Variants in KIF4B observed in about 807,000 individuals in gnomAD.
KIF4B encodes chromosome-associated kinesin KIF4B.
A neutral mutation model predicts 69.0 loss-of-function variants in KIF4B; 60 were observed. The ratio of observed to expected loss-of-function variants is 0.87; its 90% CI spans 0.71 to 1.08. The LOEUF is 1.08. Among genes scored for constraint, KIF4B ranks in the 50% least tolerant of loss-of-function variants. The probability of loss-of-function intolerance (pLI) is 0.00; values close to 1 mark genes in which losing one functional copy is unlikely to be tolerated. For synonymous variants in KIF4B, 489 were observed against 533.0 expected (o/e 0.92, Z 1.14); for missense variants, 1,357 against 1,451.9 (o/e 0.93, Z 1.06).
In KIF4B at chr5:155,015,592, T is replaced by C; in HGVS notation, c.1733T>C (p.Leu578Ser). The C allele has an allele frequency of 6.2e-7, 1 of 1,614,188 alleles. No homozygotes were observed. The highest frequency in any genetic ancestry group is 8.5e-7 in the Non-Finnish European group (1 of 1,180,042). ...VINLQKEKEE[L>S]VRELQTAKKN... The stretch of plus-strand genomic sequence containing the variant: ...AATCTGCAAAAGGAAAAGGAAGAAT[T>C]GGTTCGTGAACTTCAGACAGCAAAG... The change falls in exon 1 of 1, where the codon TTG (leucine) becomes TCG (serine). Residue 578 changes from leucine (L) to serine (S), a missense_variant. Coordinates refer to ENST00000435029, the MANE Select transcript of KIF4B (RefSeq NM_001099293.3).
chr5:155,016,646 G>C lies in KIF4B; in HGVS notation c.2787G>C (p.Glu929Asp). Residue 929 changes from glutamate to aspartate, a missense_variant, in exon 1 of 1, where the codon GAG (glutamate) becomes GAC (aspartate). Physicochemically the swap from Glu to Asp is conservative, Grantham distance 45 (BLOSUM62 2). Coordinates refer to ENST00000435029, the MANE Select transcript of KIF4B (RefSeq NM_001099293.3). ...TCAGAATGGAGCAACAGCACCAAGAGAAGGTGCTATACCTTGTCAGCCAGC... is the reference window on the plus strand; with the variant it reads ...TCAGAATGGAGCAACAGCACCAAGACAAGGTGCTATACCTTGTCAGCCAGC... ...ELVRMEQQHQEKVLYLVSQLQ... is the reference protein window; with the variant it reads ...ELVRMEQQHQDKVLYLVSQLQ... 6.2e-7 allele frequency: 1 copy of C among 1,614,214 alleles called. No individual in the cohort carries two copies. Among genetic ancestry groups the C allele is most frequent in the Non-Finnish European group, 8.5e-7 (1 of 1,180,028 alleles).
Position 155,017,812 on chromosome 5 carries a change from C to T in KIF4B, c.*248C>T. On this transcript the variant is annotated 3_prime_UTR_variant, in exon 1 of 1. Transcript: ENST00000435029. ...GCTGAAGAGAGAACCAACAGACTTT[C>T]CTAATGACTCATCAGGAACCAGTCC... 1.7e-6 allele frequency: 1 copy of T among 586,386 alleles called. No homozygotes were observed. Among genetic ancestry groups the T allele is most frequent in the Non-Finnish European group, 2.9e-6 (1 of 341,938 alleles). The allele number at this position is 586,386 out of a possible 1,614,324, so 36.3% of individuals were successfully genotyped here. A position where few individuals can be genotyped will look rare whatever the true frequency, so the allele number is the denominator to read the frequency against.
At position 155,014,538 on chromosome 5, in the gene KIF4B, G is replaced by A. The variant is rs1344656041; in HGVS notation, c.679G>A (p.Asp227Asn). The change falls in exon 1 of 1, where the codon GAC becomes AAC. Residue 227 changes from aspartate to asparagine, a missense_variant. Asp to Asn is a conservative substitution (Grantham distance 23). Transcript: ENST00000435029. Reference protein sequence around the residue: ...TISIEQRKKSDKNCSFRSKLH... With the variant: ...TISIEQRKKSNKNCSFRSKLH... The stretch of plus-strand genomic sequence containing the variant: ...CTCCATAGAGCAAAGAAAGAAAAGT[G>A]ACAAGAATTGCAGCTTTCGCTCCAA... 1.2e-6 allele frequency: 2 copies of A among 1,614,092 alleles called. No homozygotes were observed. Among genetic ancestry groups the A allele is most frequent in the Non-Finnish European group, 1.7e-6 (2 of 1,179,964 alleles).
chr5:155,015,629 C>T lies in KIF4B; in HGVS notation c.1770C>T (p.Asn590=). 6.2e-7 allele frequency: 1 copy of T among 1,614,154 alleles called. No individual in the cohort carries two copies. The highest frequency in any genetic ancestry group is 8.5e-7 in the Non-Finnish European group (1 of 1,180,022). The change falls in exon 1 of 1, where the codon AAC becomes AAT. Residue 590 remains asparagine (N), a synonymous_variant. Transcript: ENST00000435029. ...TTCAGACAGCAAAGAAGAATGTCAA[C>T]CAAGCCAAGCTGAGTGAGCACCGCC... ...RELQTAKKNV[N]QAKLSEHRHK...
At position 155,016,592 on chromosome 5, in the gene KIF4B, GAT is replaced by G. The variant is rs1765336717; in HGVS notation, c.2735_2736del (p.Ile912ArgfsTer7). 1 of 1,614,214 alleles carries G rather than the reference GAT, an allele frequency of 6.2e-7. No homozygotes were observed. Among genetic ancestry groups the G allele is most frequent in the African/African-American group, 1.3e-5 (1 of 75,056 alleles). ...LFEEQNHFSE[I>X]ETELQAELVR... ...TTGAGGAACAAAATCATTTTTCTGA[GAT>G]AGAGACAGAGTTACAAGCTGAGCTG... On this transcript the variant is annotated frameshift_variant, in exon 1 of 1. Transcript: ENST00000435029. LOFTEE classifies it low-confidence loss of function (END_TRUNC).
Position 155,015,851 on chromosome 5 carries a change from G to C in KIF4B, c.1992G>C (p.Trp664Cys), listed in dbSNP as rs1370612852. 16 of 1,614,192 alleles carry C rather than the reference G, an allele frequency of 9.9e-6. No homozygotes were observed. Among genetic ancestry groups the C allele is most frequent in the Non-Finnish European group, 1.4e-5 (16 of 1,180,034 alleles). ...AGGATGCTGAGAAGTTTAGACAATG[G>C]AAGCAGAAAAAAGACAAAGAAGTAA... ...MKEDAEKFRQ[W>C]KQKKDKEVIQ... Residue 664 changes from tryptophan (W) to cysteine (C), a missense_variant, in exon 1 of 1, where the codon TGG becomes TGC. Physicochemically the swap from Trp to Cys is radical, Grantham distance 215. Coordinates refer to ENST00000435029, the MANE Select transcript of KIF4B (RefSeq NM_001099293.3).
At position 155,016,081 on chromosome 5, in the gene KIF4B, C is replaced by T. The variant is rs1410588605; in HGVS notation, c.2222C>T (p.Ala741Val). Residue 741 changes from alanine to valine, a missense_variant, in exon 1 of 1, where the codon GCT becomes GTT. Transcript: ENST00000435029. Reference sequence around the variant, plus strand: ...AGCCATGGAAAGGAAGGTATTGCAGCTCGAGTGAGGAATTGGCTTGGAAAT... The same window carrying T: ...AGCCATGGAAAGGAAGGTATTGCAGTTCGAGTGAGGAATTGGCTTGGAAAT... ...TQSHGKEGIAARVRNWLGNEI... is the reference protein window; with the variant it reads ...TQSHGKEGIAVRVRNWLGNEI... 6.2e-7 allele frequency: 1 copy of T among 1,614,128 alleles called. No individual in the cohort carries two copies. The highest frequency in any genetic ancestry group is 1.7e-5 in the Admixed American group (1 of 60,014).
Position 155,015,650 on chromosome 5 carries a change from C to T in KIF4B, c.1791C>T (p.His597=). ...TCAACCAAGCCAAGCTGAGTGAGCA[C>T]CGCCACAAACTTCTCCAGGAGCTGG... ...KNVNQAKLSE[H]RHKLLQELEG... The change falls in exon 1 of 1, where the codon CAC becomes CAT. Residue 597 remains histidine, a synonymous_variant. Transcript: ENST00000435029. 2.5e-6 allele frequency: 4 copies of T among 1,614,192 alleles called. No individual in the cohort carries two copies. Among genetic ancestry groups the T allele is most frequent in the Non-Finnish European group, 3.4e-6 (4 of 1,180,032 alleles).
In KIF4B at chr5:155,016,850, C is replaced by T. The variant is rs1765340302; in HGVS notation, c.2991C>T (p.Leu997=). ...TCATCAAGCAGAAACTGATCCTCCT[C>T]CAGGTAGCCAGCAGACAGAAACATC... ...NEIIKQKLIL[L]QVASRQKHLP... Residue 997 remains leucine, a synonymous_variant, in exon 1 of 1, where the codon CTC becomes CTT. Coordinates refer to ENST00000435029, the MANE Select transcript of KIF4B (RefSeq NM_001099293.3). 6.2e-7 allele frequency: 1 copy of T among 1,614,156 alleles called. No homozygotes were observed. The highest frequency in any genetic ancestry group is 1.3e-5 in the African/African-American group (1 of 75,036).
chr5:155,016,296 G>A lies in KIF4B; in HGVS notation c.2437G>A (p.Glu813Lys), dbSNP rs1451031659. The A allele has an allele frequency of 6.2e-7, 1 of 1,614,098 alleles. No individual in the cohort carries two copies. The highest frequency in any genetic ancestry group is 1.7e-5 in the Admixed American group (1 of 59,998). Residue 813 changes from glutamate to lysine, a missense_variant, in exon 1 of 1, where the codon GAA becomes AAA. Glu to Lys is a moderately conservative substitution (Grantham distance 56, BLOSUM62 1). Coordinates refer to ENST00000435029, the MANE Select transcript of KIF4B (RefSeq NM_001099293.3). ...SEVHGQVLES[E>K]DCITKQIESL... ...GGTGCATGGTCAAGTTTTGGAGTCA[G>A]AAGATTGTATTACAAAACAGATTGA...
rs372105918 is a variant in KIF4B, at chr5:155,016,847, C to T, written c.2988C>T (p.Leu996=). The change falls in exon 1 of 1, where the codon CTC becomes CTT. Residue 996 remains leucine, a synonymous_variant. Transcript: ENST00000435029. ...ENEIIKQKLI[L]LQVASRQKHL... is the part of the protein sequence containing the mutation. ...AAATCATCAAGCAGAAACTGATCCT[C>T]CTCCAGGTAGCCAGCAGACAGAAAC... 14 of 1,614,068 alleles carry T rather than the reference C, an allele frequency of 8.7e-6. No individual in the cohort carries two copies. The highest frequency in any genetic ancestry group is 1.2e-5 in the Non-Finnish European group (14 of 1,180,052).
In KIF4B at chr5:155,013,983, G is replaced by A; in HGVS notation, c.124G>A (p.Val42Met). 1.9e-6 allele frequency: 3 copies of A among 1,614,248 alleles called. No homozygotes were observed. Among genetic ancestry groups the A allele is most frequent in the Non-Finnish European group, 2.5e-6 (3 of 1,180,042 alleles). ...CTTCGTGCCCGGGGAGACTCAGGTGGTGGTTGGTACTGATAAATCCTTCAC... is the reference window on the plus strand; with the variant it reads ...CTTCGTGCCCGGGGAGACTCAGGTGATGGTTGGTACTGATAAATCCTTCAC... ...LSFVPGETQVVVGTDKSFTYD... is the reference protein window; with the variant it reads ...LSFVPGETQVMVGTDKSFTYD... The change falls in exon 1 of 1, where the codon GTG (valine) becomes ATG (methionine). Residue 42 changes from valine (V) to methionine (M), a missense_variant. Val to Met is a conservative substitution (Grantham distance 21). Coordinates refer to ENST00000435029, the MANE Select transcript of KIF4B (RefSeq NM_001099293.3).
Position 155,016,990 on chromosome 5 carries a change from T to C in KIF4B, c.3131T>C (p.Leu1044Pro). The part of the protein sequence containing the change: ...FLEQSMDIED[L>P]KYCSEHSVNE... ...GAGCAAAGCATGGACATCGAGGATC[T>C]AAAATATTGTTCAGAGCATTCTGTG... The change falls in exon 1 of 1, where the codon CTA becomes CCA. Residue 1044 changes from leucine (L) to proline (P), a missense_variant. Physicochemically the swap from Leu to Pro is moderately conservative, Grantham distance 98 (BLOSUM62 -3). Coordinates refer to ENST00000435029, the MANE Select transcript of KIF4B (RefSeq NM_001099293.3). 6.2e-6 allele frequency: 10 copies of C among 1,614,204 alleles called. No individual in the cohort carries two copies. The highest frequency in any genetic ancestry group is 8.5e-6 in the Non-Finnish European group (10 of 1,180,040).
Position 155,015,751 on chromosome 5 carries a change from G to C in KIF4B, c.1892G>C (p.Arg631Pro), listed in dbSNP as rs778653406. The change falls in exon 1 of 1, where the codon CGT becomes CCT. Residue 631 changes from arginine (R) to proline (P), a missense_variant. Transcript: ENST00000435029. Reference protein sequence around the residue: ...KLLKLKESTERTVSKLNQEIW... With the variant: ...KLLKLKESTEPTVSKLNQEIW... ...CTGAAACTAAAGGAATCCACAGAGC[G>C]TACTGTCTCCAAGCTGAACCAAGAG... 14 of 1,614,158 alleles carry C rather than the reference G, an allele frequency of 8.7e-6. No homozygotes were observed. Among genetic ancestry groups the C allele is most frequent in the South Asian group, 2.2e-5 (2 of 91,078 alleles).
chr5:155,014,420 T>C lies in KIF4B; in HGVS notation c.561T>C (p.Thr187=). The part of the protein sequence containing the change: ...TEKTVLVALD[T]VSCLEQGNNS... ...AGACTGTTTTAGTTGCCTTGGATACTGTTTCCTGTTTGGAGCAGGGCAACA... is the reference window on the plus strand; with the variant it reads ...AGACTGTTTTAGTTGCCTTGGATACCGTTTCCTGTTTGGAGCAGGGCAACA... Residue 187 remains threonine, a synonymous_variant, in exon 1 of 1, where the codon ACT becomes ACC. Coordinates refer to ENST00000435029, the MANE Select transcript of KIF4B (RefSeq NM_001099293.3). 1 of 1,614,246 alleles carries C rather than the reference T, an allele frequency of 6.2e-7. No individual in the cohort carries two copies. Among genetic ancestry groups the C allele is most frequent in the East Asian group, 2.2e-5 (1 of 44,888 alleles).
Position 155,014,994 on chromosome 5 carries a change from G to A in KIF4B, c.1135G>A (p.Ala379Thr), listed in dbSNP as rs754961359. 7 of 1,614,224 alleles carry A rather than the reference G, an allele frequency of 4.3e-6. No individual in the cohort carries two copies. In the South Asian group the frequency reaches 6.6e-5, roughly 15 times the overall value. The change falls in exon 1 of 1, where the codon GCA becomes ACA. Residue 379 changes from alanine to threonine, a missense_variant. Physicochemically the swap from Ala to Thr is moderately conservative, Grantham distance 58. Coordinates refer to ENST00000435029, the MANE Select transcript of KIF4B (RefSeq NM_001099293.3). ...AGGTACCCTGCCTGGATCTATAAAT[G>A]CAGAACCATCAGAGAATCTACAATC... ...HGGTLPGSIN[A>T]EPSENLQSLM...
chr5:155,014,835 A>T lies in KIF4B; in HGVS notation c.976A>T (p.Thr326Ser). The T allele has an allele frequency of 6.2e-7, 1 of 1,614,128 alleles. No homozygotes were observed. Among genetic ancestry groups the T allele is most frequent in the Non-Finnish European group, 8.5e-7 (1 of 1,180,012 alleles). Residue 326 changes from threonine (T) to serine (S), a missense_variant, in exon 1 of 1, where the codon ACC becomes TCC. Physicochemically the swap from Thr to Ser is moderately conservative, Grantham distance 58. Transcript: ENST00000435029. ...CTCCAATCTAGAGGAAACATTAAGT[A>T]CCCTTCGCTATGCTGACAGAGCAAG... ...ADSNLEETLS[T>S]LRYADRARKI...
In KIF4B at chr5:155,018,091, T is replaced by C. The variant is rs927488276; in HGVS notation, c.*527T>C. On this transcript the variant is annotated 3_prime_UTR_variant, in exon 1 of 1. Coordinates refer to ENST00000435029, the MANE Select transcript of KIF4B (RefSeq NM_001099293.3). Reference sequence around the variant, plus strand: ...CCATGTTGTTGAAGTAAATGAATTATTTTTAAATGTTAAGTAAATAAACCT... The same window carrying C: ...CCATGTTGTTGAAGTAAATGAATTACTTTTAAATGTTAAGTAAATAAACCT... 2 of 168,136 alleles carry C rather than the reference T, an allele frequency of 1.2e-5. No individual in the cohort carries two copies. The highest frequency in any genetic ancestry group is 4.8e-5 in the African/African-American group (2 of 41,468). The allele number at this position is 168,136 out of a possible 1,614,324, so 10.4% of individuals were successfully genotyped here. A position where few individuals can be genotyped will look rare whatever the true frequency, so the allele number is the denominator to read the frequency against.
At position 155,017,503 on chromosome 5, in the gene KIF4B, C is replaced by G; in HGVS notation, c.3644C>G (p.Ala1215Gly). ...CCTCCAGGGAAGAAAAAGAAACGAG[C>G]TCTGGCTAGCAACACCAGCTTCTTC... ...NKPPGKKKKR[A>G]LASNTSFFSG... Residue 1215 changes from alanine (A) to glycine (G), a missense_variant, in exon 1 of 1, where the codon GCT becomes GGT. By Grantham distance (60) the Ala-to-Gly change is moderately conservative (BLOSUM62 0). Coordinates refer to ENST00000435029, the MANE Select transcript of KIF4B (RefSeq NM_001099293.3). 2.5e-6 allele frequency: 4 copies of G among 1,614,026 alleles called. No individual in the cohort carries two copies. Among genetic ancestry groups the G allele is most frequent in the Non-Finnish European group, 3.4e-6 (4 of 1,180,006 alleles).
Sources: gnomAD v4.1 joint callset for allele counts on GRCh38, gnomAD v4.1.1 for gene constraint, MANE v1.5 for transcripts, NCBI Gene and HGNC (gene_info 2026-07-23, HGNC 2026-07-21) for gene names.